HNMT: variants seen among roughly 807,000 people sequenced by gnomAD.
HNMT encodes the protein histamine N-methyltransferase.
HNMT carries 30 observed loss-of-function variants against 32.1 expected under a neutral mutation model. The observed-to-expected ratio is 0.93, with a 90% CI of 0.70 to 1.27. HNMT has a LOEUF of 1.27. Among genes scored for constraint, HNMT ranks in the 50% most tolerant of loss-of-function variants. The probability of loss-of-function intolerance (pLI) is 0.00; values close to 1 mark genes in which losing one functional copy is unlikely to be tolerated. For synonymous variants in HNMT, 125 were observed against 119.0 expected (o/e 1.05, Z -0.33); for missense variants, 327 against 346.0 (o/e 0.95, Z 0.43).
At position 138,002,098 on chromosome 2, in the gene HNMT, A is replaced by G. The variant is rs746044278; in HGVS notation, c.333A>G (p.Val111=). The G allele has an allele frequency of 1.3e-6, 2 of 1,599,126 alleles. No homozygotes were observed. The highest frequency in any genetic ancestry group is 1.7e-6 in the Non-Finnish European group (2 of 1,173,412). The change falls in exon 4 of 6, where the codon GTA becomes GTG. Residue 111 remains valine, a synonymous_variant. Transcript: ENST00000280097. ...LVAKTSNLEN[V]KFAWHKETSS... is the part of the protein sequence containing the mutation. Reference sequence around the variant, plus strand: ...CCAAGACATCGAACCTCGAGAACGTAAAGTTTGCTTGGCATAAGGAGACAT... The same window carrying G: ...CCAAGACATCGAACCTCGAGAACGTGAAGTTTGCTTGGCATAAGGAGACAT...
chr2:138,007,075 T>C (rs1325362887), intron 5 of HNMT, among the ~76,000 whole-genome samples: 1 of 152,070 alleles, frequency 6.6e-6, no homozygotes, highest in African/African-American at 2.4e-5. Context: ...GTTAATAGAA[T>C]GCAACGAATA....
At chr2:137,993,214 G>A (rs371121289) in intron 2 of HNMT, among the ~76,000 whole-genome samples, 8 of 152,164 alleles carry the variant, frequency 5.3e-5, no homozygotes, top group African/African-American at 1.9e-4. Context: ...TGGACAAATT[G>A]ACAGAAGTAG....
intron 5 of HNMT, among the ~76,000 whole-genome samples, chr2:138,006,040 C>T (rs552631407): frequency 9.2e-5 from 14 of 152,082 alleles, no homozygotes; most frequent in African/African-American, 3.1e-4. Context: ...AGATGGCAAG[C>T]ATGGTTATAG....
intron 3 of HNMT, among the ~76,000 whole-genome samples, chr2:138,001,648 G>A (rs1260489268): frequency 1.3e-5 from 2 of 152,110 alleles, no homozygotes; most frequent in Admixed American, 6.6e-5. Flanking sequence ...AAGTCAGGAA[G>A]TAGAACGATA....
At chr2:137,969,252 A>G (rs1341543375) in intron 1 of HNMT, among the ~76,000 whole-genome samples, 2 of 152,092 alleles carry the variant, frequency 1.3e-5, no homozygotes, top group African/African-American at 2.4e-5. Flanking sequence ...TTGGTATTGC[A>G]TCACCATCCA....
chr2:137,988,385 A>C (rs1680714842), intron 2 of HNMT, among the ~76,000 whole-genome samples: 1 of 152,198 alleles, frequency 6.6e-6, no homozygotes, highest in Admixed American at 6.5e-5. Flanking sequence ...TGAGAAAGTA[A>C]ACTTCTTGAT....
At chr2:137,993,357 T>C (rs1383243213) in intron 2 of HNMT, among the ~76,000 whole-genome samples, 6 of 152,028 alleles carry the variant, frequency 3.9e-5, no homozygotes, top group African/African-American at 1.4e-4. Context: ...GAGAGGAGCA[T>C]AAACAACATG....
intron 1 of HNMT, chr2:137,967,373 G>T (rs1679992039): frequency 2.4e-6 from 1 of 419,012 alleles, no homozygotes; most frequent in East Asian, 3.7e-5. Context: ...ACTGCTCTCA[G>T]CCTGGATGAC....
chr2:137,997,159 C>T lies in HNMT; in HGVS notation c.191-3759C>T, dbSNP rs533110144. 1.1e-4 allele frequency among the ~76,000 whole-genome samples: 16 copies of T among 152,196 alleles called. 1 individual carries two copies. The highest frequency in any genetic ancestry group is 3.4e-3 in the Middle Eastern group (1 of 294). ...TGCCAAAAGCAATTGCAACAAAAGCCAACATTTACAAATGGGATCTAATTA... is the reference window on the plus strand; with the variant it reads ...TGCCAAAAGCAATTGCAACAAAAGCTAACATTTACAAATGGGATCTAATTA... On this transcript the variant is annotated intron_variant, in intron 2 of 5. Coordinates refer to ENST00000280097, the MANE Select transcript of HNMT (RefSeq NM_006895.3).
intron 2 of HNMT, among the ~76,000 whole-genome samples, chr2:137,978,337 T>C (rs1388480593): frequency 6.8e-6 from 1 of 146,864 alleles, no homozygotes; most frequent in Non-Finnish European, 1.5e-5. Flanking sequence ...CATAATTATA[T>C]AATATATGAT....
intron 2 of HNMT, among the ~76,000 whole-genome samples, chr2:137,998,876 G>A (rs527431062): frequency 3.9e-4 from 59 of 152,274 alleles, no homozygotes; most frequent in African/African-American, 1.4e-3. Flanking sequence ...TGTATGGCTA[G>A]GTTAATATGA....
intron 2 of HNMT, among the ~76,000 whole-genome samples, chr2:137,977,523 T>C (rs1680322891): frequency 6.6e-6 from 1 of 152,148 alleles, no homozygotes. Flanking sequence ...GCTTGATCTC[T>C]ATTAACAATA....
intron 4 of HNMT, among the ~76,000 whole-genome samples, chr2:138,003,833 C>G (rs531289322): frequency 1.3e-5 from 2 of 152,212 alleles, no homozygotes; most frequent in East Asian, 3.9e-4. Flanking sequence ...TCAAAAACCA[C>G]TCCCTCTGCT....
At chr2:137,970,639 G>A (rs995330568) in intron 2 of HNMT, among the ~76,000 whole-genome samples, 1 of 152,210 alleles carries the variant, frequency 6.6e-6, no homozygotes, top group Middle Eastern at 3.4e-3. Context: ...GTGCACAGGA[G>A]GCTGGGCGCG....
Position 137,965,494 on chromosome 2 carries a change from G to A in HNMT, c.137+866G>A, listed in dbSNP as rs76581466. The stretch of plus-strand genomic sequence containing the variant: ...TTGCAGGCCTGAAATTCTTTCACCA[G>A]GGCAGTACCTATGTCTGACCAGAGC... On this transcript the variant is annotated intron_variant, in intron 1 of 5. Coordinates refer to ENST00000280097, the MANE Select transcript of HNMT (RefSeq NM_006895.3). 2.6e-5 allele frequency among the ~76,000 whole-genome samples: 4 copies of A among 152,166 alleles called. No homozygotes were observed. The East Asian group carries it at 7.7e-4, about 29-fold the overall frequency.
chr2:137,998,314 T>C (rs1681056600), intron 2 of HNMT, among the ~76,000 whole-genome samples: 1 of 152,156 alleles, frequency 6.6e-6, no homozygotes, highest in Non-Finnish European at 1.5e-5. Context: ...AGTAAATTTA[T>C]GAAATGTTCT....
At chr2:137,997,308 A>G (rs1681026616) in intron 2 of HNMT, among the ~76,000 whole-genome samples, 1 of 152,130 alleles carries the variant, frequency 6.6e-6, no homozygotes, top group Non-Finnish European at 1.5e-5. Flanking sequence ...ATTTACAAGG[A>G]ACTTAAATGA....
chr2:137,979,775 A>G (rs926518425), intron 2 of HNMT, among the ~76,000 whole-genome samples: 3 of 152,158 alleles, frequency 2.0e-5, no homozygotes, highest in African/African-American at 4.8e-5. Context: ...ATGGAGAAAA[A>G]TAAAAGTTTA....
chr2:137,971,586 G>T (rs141230479), intron 2 of HNMT, among the ~76,000 whole-genome samples: 90 of 152,282 alleles, frequency 5.9e-4, no homozygotes, highest in Non-Finnish European at 1.2e-3. Context: ...AGGTAACTCA[G>T]CCTCCAGTGA....
Sources: gnomAD v4.1 joint callset for allele counts (sites outside exome capture counted in the v4.1 genomes callset) on GRCh38, gnomAD v4.1.1 for gene constraint, MANE v1.5 for transcripts, NCBI Gene and HGNC (gene_info 2026-07-23, HGNC 2026-07-21) for gene names.